Variants in IL9R observed in about 807,000 individuals in gnomAD.
The protein encoded by IL9R is interleukin 9 receptor.
A neutral mutation model predicts 56.3 loss-of-function variants in IL9R; 54 were observed. The ratio of observed to expected loss-of-function variants is 0.96; its 90% confidence interval spans 0.77 to 1.20. The LOEUF is 1.20. Ranked by LOEUF, IL9R falls within the 50% of genes most tolerant of loss-of-function variation. IL9R has a pLI of 0.00. For missense variants in IL9R, 545 were observed against 629.8 expected (o/e 0.87, Z 1.44); for synonymous variants, 212 against 250.2 (o/e 0.85, Z 1.44).
intron 8 of IL9R, among the ~76,000 whole-genome samples, chrX:156,008,963 ATGTG>A (rs1194381954): frequency 1.1e-4 from 9 of 78,606 alleles, no homozygotes; most frequent in East Asian, 3.3e-4. Flanking sequence ...GTGTGTGTTT[ATGTG>A]TGTGTGTCTG....
chrX:155,998,273 G>A (rs996217397), intron 1 of IL9R, among the ~76,000 whole-genome samples: 1 of 152,002 alleles, frequency 6.6e-6, no homozygotes, highest in Admixed American at 6.6e-5. Context: ...GGATGGGTAT[G>A]CCCCACTGGA....
chrX:156,006,667 C>T (rs2067986107), intron 7 of IL9R, among the ~76,000 whole-genome samples: 1 of 151,960 alleles, frequency 6.6e-6, no homozygotes, highest in Admixed American at 6.5e-5. Context: ...TCATGCACCA[C>T]ATGTCAGGTT....
At chrX:156,007,371 G>T in intron 7 of IL9R, 152 bp from the exon 8 acceptor site, 2 of 629,068 alleles carry the variant, frequency 3.2e-6, no homozygotes, top group Non-Finnish European at 5.8e-6. Context: ...GTCCTGCCCT[G>T]AGAGTGGGTT....
At chrX:156,008,928 TG>T (rs2068196141) in intron 8 of IL9R, among the ~76,000 whole-genome samples, 1 of 139,130 alleles carries the variant, frequency 7.2e-6, no homozygotes, top group African/African-American at 3.3e-5. Flanking sequence ...TGTCTGTGTG[TG>T]TGTTTGTGTG....
intron 3 of IL9R, 43 bp from the exon 4 acceptor site, chrX:156,003,634 G>T (rs1267747132): frequency 3.1e-6 from 5 of 1,612,334 alleles, no homozygotes; most frequent in Non-Finnish European, 4.2e-6. Flanking sequence ...GCTATGCCAG[G>T]ACAGTGTAGC....
rs1412958447 is a variant in IL9R at position 156,010,199 on chromosome X, G to A, written c.1356G>A (p.Trp452Ter). Residue 452 changes from tryptophan (W) to a stop codon, truncating the protein, a stop_gained, in exon 9 of 9, where the codon TGG (tryptophan) becomes TGA (stop). Transcript: ENST00000244174. LOFTEE classifies it high-confidence loss of function. ...NYCALGCYGG[W>*]HLSALPGNTQ... ...GTGCCTTGGGCTGCTATGGGGGATG[G>A]CACCTCTCAGCCCTCCCAGGAAACA... is the stretch of plus-strand genomic sequence containing the variant. 5.0e-6 allele frequency: 7 copies of A among 1,407,202 alleles called. No individual in the cohort carries two copies. The highest frequency in any genetic ancestry group is 2.2e-5 in the Admixed American group (1 of 45,990). The allele number at this position is 1,407,202 out of a possible 1,614,324, so 87.2% of individuals were successfully genotyped here.
At chrX:155,998,477 C>T (rs1396476945) in intron 1 of IL9R, among the ~76,000 whole-genome samples, 1 of 152,102 alleles carries the variant, frequency 6.6e-6, no homozygotes, top group Non-Finnish European at 1.5e-5. Flanking sequence ...CTCCCTGCCC[C>T]CATTTTCTCT....
intron 1 of IL9R, among the ~76,000 whole-genome samples, chrX:156,000,985 G>C (rs2067482734): frequency 6.6e-6 from 1 of 152,118 alleles, no homozygotes; most frequent in Non-Finnish European, 1.5e-5. Flanking sequence ...CAGCTTACCA[G>C]GTACAGATGT....
At chrX:156,008,853 C>T (rs1169778108) in intron 8 of IL9R, among the ~76,000 whole-genome samples, 5 of 150,936 alleles carry the variant, frequency 3.3e-5, no homozygotes, top group Admixed American at 1.3e-4. Context: ...GTCCTGACAG[C>T]GATTCGTGTG....
At chrX:156,008,442 A>G (rs1603190589) in intron 8 of IL9R, among the ~76,000 whole-genome samples, 2 of 151,910 alleles carry the variant, frequency 1.3e-5, no homozygotes, top group East Asian at 3.9e-4. Context: ...GTCCAAAAAT[A>G]TAATTTGAAC....
In IL9R at chrX:156,003,777, A is replaced by T. The variant is rs757244169; in HGVS notation, c.355A>T (p.Thr119Ser). The change falls in exon 4 of 9, where the codon ACC (threonine) becomes TCC (serine). Residue 119 changes from threonine (T) to serine (S), a missense_variant. This residue lies in a region of IL9R where 431 missense variants were observed against 360.0 expected (regional missense o/e 1.20). Coordinates refer to ENST00000244174, the MANE Select transcript of IL9R (RefSeq NM_002186.3). ...EAVLVPSDNF[T>S]ITFHHCMSGR... ...AGTGCTCGTGCCATCTGACAATTTCACCATCACTTTCCACCACTGCATGTC... is the reference window on the plus strand; with the variant it reads ...AGTGCTCGTGCCATCTGACAATTTCTCCATCACTTTCCACCACTGCATGTC... 6.2e-6 allele frequency: 10 copies of T among 1,613,820 alleles called. No homozygotes were observed. The highest frequency in any genetic ancestry group is 1.7e-4 in the Middle Eastern group (1 of 6,056).
chrX:155,998,657 C>T (rs1383010726), intron 1 of IL9R, among the ~76,000 whole-genome samples: 1 of 152,036 alleles, frequency 6.6e-6, no homozygotes, highest in Non-Finnish European at 1.5e-5. Context: ...ATCCCAGAGC[C>T]CCGCTCCTGG....
chrX:156,005,605 T>C, intron 6 of IL9R, 126 bp downstream of exon 6: 1 of 764,030 alleles, frequency 1.3e-6, no homozygotes, highest in East Asian at 2.7e-5. Context: ...CATGCCTCAG[T>C]TGACCCCCTT....
At chrX:155,999,986 C>T (rs186437458) in intron 1 of IL9R, among the ~76,000 whole-genome samples, 18 of 151,898 alleles carry the variant, frequency 1.2e-4, no homozygotes, top group Non-Finnish European at 1.9e-4. Context: ...ATTAGCCAGG[C>T]GTGGTGACTC....
intron 1 of IL9R, among the ~76,000 whole-genome samples, chrX:155,999,976 A>G (rs2067402379): frequency 6.6e-6 from 1 of 151,826 alleles, no homozygotes; most frequent in Non-Finnish European, 1.5e-5. Flanking sequence ...AAATACAAAA[A>G]TTAGCCAGGC....
chrX:155,998,631 C>T (rs1461952312), intron 1 of IL9R, among the ~76,000 whole-genome samples: 3 of 152,024 alleles, frequency 2.0e-5, no homozygotes, highest in South Asian at 2.1e-4. Context: ...ATCCTCTCAG[C>T]GTGTCTTCAA....
chrX:156,004,544 G>T lies in IL9R; in HGVS notation c.558G>T (p.Lys186Asn). The T allele has an allele frequency of 6.2e-7, 1 of 1,612,940 alleles. No individual in the cohort carries two copies. Among genetic ancestry groups the T allele is most frequent in the Non-Finnish European group, 8.5e-7 (1 of 1,179,866 alleles). The change falls in exon 5 of 9, where the codon AAG becomes AAT. Residue 186 changes from lysine to asparagine, a missense_variant. Transcript: ENST00000244174. ...TTCTCAGCTATGAGCTGGCCTTCAA[G>T]AAGCAGGAAGAGGCCTGGGAGGTAA... ...TTLLSYELAF[K>N]KQEEAWEQAQ...
chrX:155,999,810 C>T (rs1317177398), intron 1 of IL9R, among the ~76,000 whole-genome samples: 1 of 152,068 alleles, frequency 6.6e-6, no homozygotes, highest in African/African-American at 2.4e-5. Flanking sequence ...AAGAACCAGA[C>T]CCTTCCCCGC....
At chrX:156,001,470 G>A in intron 1 of IL9R, 1 of 1,609,804 alleles carries the variant, frequency 6.2e-7, no homozygotes, top group Non-Finnish European at 8.5e-7. Flanking sequence ...TCATGCTGTG[G>A]CTGGTGGTTC....
Sources: allele counts gnomAD v4.1 joint callset (sites outside exome capture counted in the v4.1 genomes callset), GRCh38; gene constraint gnomAD v4.1.1; regional missense constraint gnomAD v4.1.1; transcripts MANE v1.5; gene names NCBI Gene and HGNC (gene_info 2026-07-23, HGNC 2026-07-21).